Variants in EXOC4 observed in about 807,000 individuals in gnomAD.
The protein encoded by EXOC4 is SEC8-like 1.
EXOC4 carries 71 observed loss-of-function variants against 107.2 expected under a neutral mutation model. The observed-to-expected ratio is 0.66, with a 90% CI of 0.55 to 0.81. The LOEUF (loss-of-function observed/expected upper bound fraction) is 0.81, where lower values mean the gene tolerates loss of function less well. Ranked by LOEUF, EXOC4 falls within the 30% of genes least tolerant of loss-of-function variation. The probability of loss-of-function intolerance (pLI) is 0.00; values close to 1 mark genes in which losing one functional copy is unlikely to be tolerated. For missense variants in EXOC4, 1,108 were observed against 1,189.6 expected (o/e 0.93, Z 1.01); for synonymous variants, 456 against 441.2 (o/e 1.03, Z -0.42).
chr7:133,401,662 A>G (rs1455248419), intron 7 of EXOC4, among the ~76,000 whole-genome samples: 2 of 151,372 alleles, frequency 1.3e-5, no homozygotes, highest in Non-Finnish European at 2.9e-5. Flanking sequence ...AAAAAAAAAA[A>G]AAGAAAAAAA....
chr7:133,379,122 T>G (rs1796557513), intron 7 of EXOC4, among the ~76,000 whole-genome samples: 1 of 152,194 alleles, frequency 6.6e-6, no homozygotes, highest in Non-Finnish European at 1.5e-5. Context: ...ACTTTTTTCC[T>G]GTTTTCTCTC....
intron 10 of EXOC4, among the ~76,000 whole-genome samples, chr7:133,656,928 A>G (rs7792566): frequency 6.6e-6 from 1 of 152,196 alleles, no homozygotes; most frequent in East Asian, 1.9e-4. Context: ...CAAATAACAA[A>G]TGGCACTTAG....
intron 10 of EXOC4, among the ~76,000 whole-genome samples, chr7:133,718,801 G>C (rs1296656727): frequency 6.6e-6 from 1 of 152,164 alleles, no homozygotes; most frequent in Non-Finnish European, 1.5e-5. Context: ...CTGAGAAAGC[G>C]AGTGGTGAGA....
intron 9 of EXOC4, among the ~76,000 whole-genome samples, chr7:133,497,916 AAT>A (rs1448899812): frequency 1.3e-5 from 2 of 152,182 alleles, no homozygotes; most frequent in Non-Finnish European, 2.9e-5. Flanking sequence ...ATGGAGGTCT[AAT>A]AGGTTTTCTG....
At chr7:133,315,463 T>A (rs1021675739) in intron 4 of EXOC4, 1 of 152,192 alleles carries the variant, frequency 6.6e-6, no homozygotes, top group African/African-American at 2.4e-5. Flanking sequence ...TTTGGGCATC[T>A]GTATCCAGGG....
intron 7 of EXOC4, among the ~76,000 whole-genome samples, chr7:133,382,346 G>A (rs1049693926): frequency 2.6e-5 from 4 of 152,184 alleles, no homozygotes; most frequent in African/African-American, 9.6e-5. Flanking sequence ...ATATTTTAAT[G>A]ATGGTTTAGT....
At chr7:133,909,377 A>C (rs1799638197) in intron 12 of EXOC4, among the ~76,000 whole-genome samples, 1 of 152,202 alleles carries the variant, frequency 6.6e-6, no homozygotes, top group Non-Finnish European at 1.5e-5. Flanking sequence ...CAACAGGTTC[A>C]AGTGAGGAGA....
At chr7:133,510,719 G>A (rs1799752647) in intron 9 of EXOC4, among the ~76,000 whole-genome samples, 1 of 152,172 alleles carries the variant, frequency 6.6e-6, no homozygotes, top group Non-Finnish European at 1.5e-5. Flanking sequence ...ATGCACTGTG[G>A]GTGGTGATAG....
At chr7:133,488,514 G>A (rs1295697839) in intron 9 of EXOC4, among the ~76,000 whole-genome samples, 4 of 151,920 alleles carry the variant, frequency 2.6e-5, no homozygotes, top group African/African-American at 9.7e-5. Flanking sequence ...ATATGAGGGA[G>A]AAATGACTTT....
intron 12 of EXOC4, among the ~76,000 whole-genome samples, chr7:133,901,177 A>G (rs1450579280): frequency 3.9e-5 from 6 of 152,078 alleles, no homozygotes; most frequent in Non-Finnish European, 7.4e-5. Flanking sequence ...GCCAAATTTA[A>G]TGTTATTTTT....
chr7:133,816,488 C>T (rs1203870378), intron 10 of EXOC4, among the ~76,000 whole-genome samples: 1 of 152,092 alleles, frequency 6.6e-6, no homozygotes, highest in Non-Finnish European at 1.5e-5. Context: ...CTTTGTCCTC[C>T]AACTCCCATC....
chr7:133,389,591 A>C (rs1796805015), intron 7 of EXOC4, among the ~76,000 whole-genome samples: 1 of 70,248 alleles, frequency 1.4e-5, no homozygotes, highest in South Asian at 6.0e-4. Context: ...AAAAAAAAAA[A>C]AAAAGAGAGT....
At position 133,562,724 on chromosome 7, in the gene EXOC4, G is replaced by A. The variant is rs75271579; in HGVS notation, c.1418-67321G>A. ...TCATTGTAGTTTCTAACGATACAACGAATACATTATTGGGTTCGTGTATCA... is the reference window on the plus strand; with the variant it reads ...TCATTGTAGTTTCTAACGATACAACAAATACATTATTGGGTTCGTGTATCA... On this transcript the variant is annotated intron_variant, in intron 9 of 17. Transcript: ENST00000253861. Among the ~76,000 whole-genome samples the A allele has an allele frequency of 1.1e-4, 16 of 152,246 alleles. No individual in the cohort carries two copies. The East Asian group carries it at 3.1e-3, about 29-fold the overall frequency.
At chr7:133,926,409 CTAA>C (rs1800053671) in intron 13 of EXOC4, among the ~76,000 whole-genome samples, 1 of 152,082 alleles carries the variant, frequency 6.6e-6, no homozygotes, top group African/African-American at 2.4e-5. Context: ...TCATTTTATG[CTAA>C]TGTCACAGAC....
chr7:133,340,215 A>G (rs998258298), intron 5 of EXOC4, among the ~76,000 whole-genome samples: 5 of 152,174 alleles, frequency 3.3e-5, no homozygotes, highest in Non-Finnish European at 7.4e-5. Flanking sequence ...AGTTTTAATC[A>G]TAAAGTGATG....
At chr7:134,013,701 A>T (rs931578903) in intron 17 of EXOC4, among the ~76,000 whole-genome samples, 14 of 152,216 alleles carry the variant, frequency 9.2e-5, no homozygotes, top group Non-Finnish European at 1.6e-4. Flanking sequence ...AAGTCTATTA[A>T]TAAAAGTATT....
chr7:134,069,351 T>C (rs13225717), downstream of EXOC4, among the ~76,000 whole-genome samples: 96,417 of 132,938 alleles, frequency 0.73, 35,135 homozygotes, highest in East Asian at 0.86. Context: ...TCCTCCTCCT[T>C]CTCCTTCTTC....
At chr7:133,272,528 T>C (rs887758231) in intron 1 of EXOC4, among the ~76,000 whole-genome samples, 2 of 152,080 alleles carry the variant, frequency 1.3e-5, no homozygotes, top group African/African-American at 4.8e-5. Context: ...CTAGTAAGCC[T>C]CTCTAAATAT....
At chr7:133,929,116 A>G (rs1228395483) in intron 13 of EXOC4, among the ~76,000 whole-genome samples, 1 of 151,850 alleles carries the variant, frequency 6.6e-6, no homozygotes, top group East Asian at 1.9e-4. Flanking sequence ...TATTTTTAGT[A>G]GAGATGGGGT....
Sources: gnomAD v4.1 joint callset for allele counts (sites outside exome capture counted in the v4.1 genomes callset) on GRCh38, gnomAD v4.1.1 for gene constraint, MANE v1.5 for transcripts, NCBI Gene and HGNC (gene_info 2026-07-23, HGNC 2026-07-21) for gene names.